ERLIN1: variants seen among roughly 807,000 people sequenced by gnomAD.
The protein encoded by ERLIN1 is erlin-1.
Under a neutral mutation model 46.9 loss-of-function variants are expected in ERLIN1, and 24 were observed. That is an observed-to-expected ratio of 0.51 (90% CI 0.37 to 0.72). The LOEUF (loss-of-function observed/expected upper bound fraction) is 0.72, where lower values mean the gene tolerates loss of function less well. Among genes scored for constraint, ERLIN1 ranks in the 30% least tolerant of loss-of-function variants. The pLI, the probability that ERLIN1 is intolerant of heterozygous loss-of-function variation, is 0.00. For synonymous variants in ERLIN1, 158 were observed against 143.2 expected (o/e 1.10, Z -0.74); for missense variants, 293 against 417.9 (o/e 0.70, Z 2.61).
At position 100,151,779 on chromosome 10, in the gene ERLIN1, A is replaced by ATC; in HGVS notation, c.*351_*352insGA. 2 of 338,992 alleles carry ATC rather than the reference A, an allele frequency of 5.9e-6. No homozygotes were observed. The highest frequency in any genetic ancestry group is 7.4e-5 in the East Asian group (1 of 13,576). The allele number at this position is 338,992 out of a possible 1,614,324, so 21.0% of individuals were successfully genotyped here. ...TGAGCATACATTTCCCCGGGGGACG[A>ATC]ATGTAAACATTATTCAACAGATCTC... On this transcript the variant is annotated 3_prime_UTR_variant, in exon 11 of 11. Transcript: ENST00000421367.
At position 100,152,228 on chromosome 10, in the gene ERLIN1, G is replaced by C; in HGVS notation, c.950C>G (p.Ser317Ter). The C allele has an allele frequency of 6.2e-7, 1 of 1,612,506 alleles. No homozygotes were observed. Among genetic ancestry groups the C allele is most frequent in the South Asian group, 1.1e-5 (1 of 91,060 alleles). The change falls in exon 11 of 11, where the codon TCA becomes TGA. Residue 317 changes from serine (S) to a stop codon, truncating the protein, a stop_gained. Transcript: ENST00000421367. LOFTEE classifies it high-confidence loss of function. Reference protein sequence around the residue: ...FVDSSCALKYSDIRTGRESSL... With the variant: ...FVDSSCALKY Reference sequence around the variant, plus strand: ...GCTTTCTCTTCCAGTCCTAATATCTGAATATTTCAAAGCACATGAGGAGTC... The same window carrying C: ...GCTTTCTCTTCCAGTCCTAATATCTCAATATTTCAAAGCACATGAGGAGTC...
chr10:100,155,573 GGC>G (rs1843035332), intron 9 of ERLIN1, among the ~76,000 whole-genome samples: 1 of 151,668 alleles, frequency 6.6e-6, no homozygotes, highest in Admixed American at 6.5e-5. Flanking sequence ...GGAGTGCAGT[GGC>G]GGGATCTCGG....
At chr10:100,180,769 AC>A (rs1844595164) in intron 2 of ERLIN1, among the ~76,000 whole-genome samples, 1 of 152,188 alleles carries the variant, frequency 6.6e-6, no homozygotes, top group South Asian at 2.1e-4. Flanking sequence ...CACAAAACGA[AC>A]CATTCAAAAA....
chr10:100,182,949 C>T (rs1486174686), intron 2 of ERLIN1, among the ~76,000 whole-genome samples: 1 of 152,042 alleles, frequency 6.6e-6, no homozygotes. Flanking sequence ...TTCCCTAAGC[C>T]ATCTAAAAGG....
rs116556436 is a variant in ERLIN1, at chr10:100,168,273, C to A, written c.505-867G>T. Among the ~76,000 whole-genome samples, 431 of 152,304 alleles carry A rather than the reference C, an allele frequency of 2.8e-3. 2 individuals are homozygous for A. The highest frequency in any genetic ancestry group is 0.01 in the African/African-American group (418 of 41,566). On this transcript the variant is annotated intron_variant, in intron 6 of 10. Transcript: ENST00000421367. Reference sequence around the variant, plus strand: ...GGCTAACCTTTTAAGAATAACAAAGCCTTTAAGCACTTAGTCTTCTTTAAA... The same window carrying A: ...GGCTAACCTTTTAAGAATAACAAAGACTTTAAGCACTTAGTCTTCTTTAAA...
At chr10:100,155,004 A>G (rs1047298613) in intron 9 of ERLIN1, 65 bp from the exon 10 acceptor site, 7 of 1,305,628 alleles carry the variant, frequency 5.4e-6, no homozygotes, top group Non-Finnish European at 7.7e-6. Flanking sequence ...CCCTTTCCCC[A>G]CTGCTTAATA....
chr10:100,160,138 A>G (rs1564801031), intron 8 of ERLIN1, among the ~76,000 whole-genome samples: 1 of 152,174 alleles, frequency 6.6e-6, no homozygotes, highest in Non-Finnish European at 1.5e-5. Context: ...GAAATATCAG[A>G]TGAAATGAAC....
At chr10:100,153,973 A>C (rs1842936055) in intron 10 of ERLIN1, among the ~76,000 whole-genome samples, 1 of 152,162 alleles carries the variant, frequency 6.6e-6, no homozygotes, top group South Asian at 2.1e-4. Context: ...ATTTCTTCTA[A>C]ATACGGATTA....
In ERLIN1 at chr10:100,154,845, C is replaced by T. The variant is rs771846018; in HGVS notation, c.825+15G>A. 1 of 1,609,970 alleles carries T rather than the reference C, an allele frequency of 6.2e-7. No homozygotes were observed. Among genetic ancestry groups the T allele is most frequent in the African/African-American group, 1.3e-5 (1 of 74,928 alleles). Reference sequence around the variant, plus strand: ...CGAAATGCATCATTAGGAAAGTGGCCAGGGAGCCAGTCACCTTGTTTGAGG... The same window carrying T: ...CGAAATGCATCATTAGGAAAGTGGCTAGGGAGCCAGTCACCTTGTTTGAGG... On this transcript the variant is annotated intron_variant, in intron 10 of 10. Transcript: ENST00000421367.
intron 3 of ERLIN1, 132 bp from the exon 4 acceptor site, chr10:100,178,326 T>C (rs1443124938): frequency 6.8e-6 from 4 of 590,720 alleles, no homozygotes; most frequent in Admixed American, 3.0e-5. Context: ...TCGCTTCCTT[T>C]TTCATAGCAT....
At chr10:100,159,834 C>A in intron 8 of ERLIN1, among the ~76,000 whole-genome samples, 2 of 147,598 alleles carry the variant, frequency 1.4e-5, no homozygotes, top group African/African-American at 2.5e-5. Context: ...CTTAACTATC[C>A]AACTCAAGAA....
chr10:100,179,558 G>A (rs1844514357), intron 2 of ERLIN1, among the ~76,000 whole-genome samples: 1 of 152,058 alleles, frequency 6.6e-6, no homozygotes, highest in Non-Finnish European at 1.5e-5. Context: ...CTGGGTTCAG[G>A]CGGTTCTTGT....
At chr10:100,162,467 T>C (rs543348108) in intron 8 of ERLIN1, among the ~76,000 whole-genome samples, 18 of 152,262 alleles carry the variant, frequency 1.2e-4, no homozygotes, top group Admixed American at 9.8e-4. Flanking sequence ...GAAGAGATGG[T>C]AAAATCAAAG....
At position 100,167,412 on chromosome 10, in the gene ERLIN1, A is replaced by T; in HGVS notation, c.505-6T>A. ...GGTTTTGTAACACGCACAGCCTAAA[A>T]AATAAAAGTGAAAAAGCCAAAGTAT... On this transcript the variant is annotated splice_polypyrimidine_tract_variant and splice_region_variant and intron_variant, in intron 6 of 10. Transcript: ENST00000421367. 2 of 1,609,640 alleles carry T rather than the reference A, an allele frequency of 1.2e-6. No homozygotes were observed.
At chr10:100,156,088 G>C (rs1843066045) in intron 9 of ERLIN1, 57 bp downstream of exon 9, 2 of 1,085,322 alleles carry the variant, frequency 1.8e-6, no homozygotes, top group African/African-American at 1.5e-5. Context: ...CTGAACCCTG[G>C]AGCAGAGAGG....
chr10:100,173,329 T>C (rs963583206), intron 6 of ERLIN1, among the ~76,000 whole-genome samples: 9 of 152,150 alleles, frequency 5.9e-5, no homozygotes, highest in Admixed American at 5.2e-4. Flanking sequence ...TCCAGAGCAG[T>C]GGCTTTCGAA....
chr10:100,175,836 CAGA>C, intron 5 of ERLIN1, 106 bp downstream of exon 5: 1 of 831,306 alleles, frequency 1.2e-6, no homozygotes, highest in Non-Finnish European at 1.7e-6. Flanking sequence ...ATGATAAATT[CAGA>C]AGAAATGCTT....
chr10:100,152,675 A>C (rs1842869070), intron 10 of ERLIN1, among the ~76,000 whole-genome samples: 1 of 152,244 alleles, frequency 6.6e-6, no homozygotes, highest in Non-Finnish European at 1.5e-5. Context: ...CATCTAGTTG[A>C]ATTCAACCTG....
chr10:100,182,260 G>A (rs960226405), intron 2 of ERLIN1, among the ~76,000 whole-genome samples: 4 of 149,014 alleles, frequency 2.7e-5, no homozygotes, highest in African/African-American at 9.9e-5. Context: ...AAACTCCTAG[G>A]CTCAAGTGAT....
Sources: allele counts gnomAD v4.1 joint callset (sites outside exome capture counted in the v4.1 genomes callset), GRCh38; gene constraint gnomAD v4.1.1; transcripts MANE v1.5; gene names NCBI Gene and HGNC (gene_info 2026-07-23, HGNC 2026-07-21).